The following ARHGAP28 variants were observed in gnomAD, a reference collection of about 807,000 sequenced individuals.
The protein encoded by ARHGAP28 is rho GTPase-activating protein 28.
A neutral mutation model predicts 90.7 loss-of-function variants in ARHGAP28; 56 were observed. The ratio of observed to expected loss-of-function variants is 0.62; its 90% confidence interval spans 0.50 to 0.77. The LOEUF (loss-of-function observed/expected upper bound fraction) is 0.77. Ranked by LOEUF, ARHGAP28 falls within the 30% of genes least tolerant of loss-of-function variation. The pLI is 0.00. For synonymous variants in ARHGAP28, 308 were observed against 323.3 expected, an observed-to-expected ratio of 0.95 and a Z score of 0.51; for missense variants, 869 against 900.9, an observed-to-expected ratio of 0.96 and a Z score of 0.45.
intron 6 of ARHGAP28, among the ~76,000 whole-genome samples, chr18:6,869,250 A>ATTTTTTT: frequency 9.6e-6 from 1 of 103,810 alleles, no homozygotes; most frequent in Non-Finnish European, 2.0e-5. Context: ...TCCTTTTGCC[A>ATTTTTTT]TTCTTTTTTT....
chr18:6,914,983 AAATG>A lies in ARHGAP28; in HGVS notation c.*2834_*2837del, dbSNP rs2057415835. 1 of 152,636 alleles carries A rather than the reference AAATG, an allele frequency of 6.6e-6. No homozygotes were observed. The highest frequency in any genetic ancestry group is 1.5e-5 in the Non-Finnish European group (1 of 68,036). The allele number at this position is 152,636 out of a possible 1,614,324, so 9.5% of individuals were successfully genotyped here. Reference sequence around the variant, plus strand: ...TCACTTGCCTTTCTTGGGAAAAAAAAAATGAATGGACTTTAACAATTGTTGTTAC... The same window carrying A: ...TCACTTGCCTTTCTTGGGAAAAAAAAAATGGACTTTAACAATTGTTGTTAC... On this transcript the variant is annotated 3_prime_UTR_variant, in exon 18 of 18. Transcript: ENST00000383472.
chr18:6,814,039 C>T (rs2056574356), intron 1 of ARHGAP28, among the ~76,000 whole-genome samples: 2 of 152,122 alleles, frequency 1.3e-5, no homozygotes, highest in Non-Finnish European at 2.9e-5. Flanking sequence ...AATGGTTATT[C>T]TCCAGGGGAC....
chr18:6,739,910 A>C (rs1038843671), intron 1 of ARHGAP28, among the ~76,000 whole-genome samples: 3 of 148,454 alleles, frequency 2.0e-5, no homozygotes, highest in Non-Finnish European at 4.4e-5. Flanking sequence ...GCTTGTGTGC[A>C]ATGGTGCAAT....
chr18:6,826,614 T>G (rs1040614287), intron 2 of ARHGAP28, among the ~76,000 whole-genome samples: 13 of 150,406 alleles, frequency 8.6e-5, no homozygotes, highest in African/African-American at 3.2e-4. Context: ...CGTATGAGCC[T>G]GCCCCAGCAC....
intron 16 of ARHGAP28, among the ~76,000 whole-genome samples, chr18:6,901,159 A>T (rs2057336253): frequency 6.6e-6 from 1 of 152,236 alleles, no homozygotes; most frequent in African/African-American, 2.4e-5. Context: ...TTAAACAGAA[A>T]GGAAATTATA....
At chr18:6,904,790 G>A (rs934681439) in intron 16 of ARHGAP28, among the ~76,000 whole-genome samples, 7 of 152,112 alleles carry the variant, frequency 4.6e-5, no homozygotes, top group Non-Finnish European at 8.8e-5. Context: ...AAGGATTACT[G>A]TAACAACTTT....
chr18:6,853,884 T>C (rs1418506574), intron 4 of ARHGAP28, among the ~76,000 whole-genome samples: 1 of 152,230 alleles, frequency 6.6e-6, no homozygotes, highest in African/African-American at 2.4e-5. Flanking sequence ...TGATGTATTA[T>C]GTCTCCCTAA....
At chr18:6,753,872 G>T (rs1351511614) in intron 1 of ARHGAP28, among the ~76,000 whole-genome samples, 3 of 152,272 alleles carry the variant, frequency 2.0e-5, no homozygotes, top group South Asian at 2.1e-4. Context: ...ATTCTTAAAG[G>T]AATCTAATTG....
chr18:6,770,071 A>T (rs7242233), intron 1 of ARHGAP28, among the ~76,000 whole-genome samples: 3,059 of 152,294 alleles, frequency 0.02, 127 homozygotes, highest in East Asian at 0.2. Flanking sequence ...ATAAAACAAC[A>T]GATGGCAGCA....
intron 1 of ARHGAP28, among the ~76,000 whole-genome samples, chr18:6,760,161 A>G (rs183346327): frequency 7.3e-4 from 111 of 152,322 alleles, no homozygotes; most frequent in African/African-American, 1.9e-3. Context: ...CAGCGAACAG[A>G]TAGGTTTTTT....
rs112169458 is a variant in ARHGAP28 at position 6,905,491 on chromosome 18, G to A, written c.2031-3469G>A. ...TTGAATGCTTTCCCTCTAAGAGCAC[G>A]AATAAGAATGCCCACATTCATCAAT... On this transcript the variant is annotated intron_variant, in intron 16 of 17. Transcript: ENST00000383472. 1.3e-3 allele frequency among the ~76,000 whole-genome samples: 201 copies of A among 152,094 alleles called. 2 individuals carry two copies. Among genetic ancestry groups the A allele is most frequent in the African/African-American group, 4.5e-3 (186 of 41,512 alleles).
At chr18:6,731,291 C>CTT (rs1555622035) in intron 1 of ARHGAP28, among the ~76,000 whole-genome samples, 1 of 149,476 alleles carries the variant, frequency 6.7e-6, no homozygotes, top group Non-Finnish European at 1.5e-5. Flanking sequence ...TATATGTGTG[C>CTT]GTGTGTGTGT....
intron 1 of ARHGAP28, among the ~76,000 whole-genome samples, chr18:6,806,664 G>A (rs1458725912): frequency 2.0e-5 from 3 of 151,312 alleles, no homozygotes; most frequent in African/African-American, 7.3e-5. Context: ...TTAAGTAATC[G>A]GAAAATAATT....
At chr18:6,749,902 T>TA (rs774422175) in intron 1 of ARHGAP28, among the ~76,000 whole-genome samples, 1 of 152,172 alleles carries the variant, frequency 6.6e-6, no homozygotes, top group Non-Finnish European at 1.5e-5. Flanking sequence ...GCTTCAAAAA[T>TA]ATACCCTCAG....
intron 1 of ARHGAP28, among the ~76,000 whole-genome samples, chr18:6,796,307 C>G (rs1300458650): frequency 3.9e-5 from 6 of 151,948 alleles, no homozygotes; most frequent in African/African-American, 7.3e-5. Context: ...GTATTGAGAC[C>G]ACTTGAGCTT....
intron 1 of ARHGAP28, among the ~76,000 whole-genome samples, chr18:6,760,311 T>C (rs559932875): frequency 6.6e-6 from 1 of 152,242 alleles, no homozygotes; most frequent in African/African-American, 2.4e-5. Flanking sequence ...TTTGTAGGAG[T>C]ACTCTCAAAG....
At chr18:6,799,561 T>G (rs1363757133) in intron 1 of ARHGAP28, among the ~76,000 whole-genome samples, 1 of 151,722 alleles carries the variant, frequency 6.6e-6, no homozygotes, top group Non-Finnish European at 1.5e-5. Flanking sequence ...AGAACAGAGG[T>G]CTCAGAAATA....
chr18:6,887,915 A>C (rs2057235197), intron 12 of ARHGAP28, among the ~76,000 whole-genome samples: 1 of 152,240 alleles, frequency 6.6e-6, no homozygotes, highest in East Asian at 1.9e-4. Flanking sequence ...GCTGGTCCTC[A>C]ACTACTCACA....
Position 6,914,197 on chromosome 18 carries a change from A to G in ARHGAP28, c.*2043A>G, listed in dbSNP as rs2057412708. 1 of 152,230 alleles carries G rather than the reference A, an allele frequency of 6.6e-6. No homozygotes were observed. Among genetic ancestry groups the G allele is most frequent in the African/African-American group, 2.4e-5 (1 of 41,454 alleles). 9.4% of individuals were successfully genotyped at this position (152,230 alleles called of 1,614,324 possible). ...ATGAGTAAATTCTGAAGGTTTTAAG[A>G]TTTACTTCAGCTTGTCACCAGTTTC... On this transcript the variant is annotated 3_prime_UTR_variant, in exon 18 of 18. Transcript: ENST00000383472.
Sources: allele counts gnomAD v4.1 joint callset (sites outside exome capture counted in the v4.1 genomes callset), GRCh38; gene constraint gnomAD v4.1.1; transcripts MANE v1.5; gene names NCBI Gene and HGNC (gene_info 2026-07-23, HGNC 2026-07-21).